The following DSCAM variants were observed in gnomAD, a reference collection of about 807,000 sequenced individuals.
The protein encoded by DSCAM is cell adhesion molecule DSCAM.
DSCAM carries 47 observed loss-of-function variants against 217.7 expected under a neutral mutation model. That is an observed-to-expected ratio of 0.22 (90% CI 0.17 to 0.28). The LOEUF (loss-of-function observed/expected upper bound fraction) is 0.28, where lower values mean the gene tolerates loss of function less well. DSCAM is among the 10% of genes least tolerant of loss of function. The probability of loss-of-function intolerance (pLI) is 1.00; values close to 1 mark genes in which losing one functional copy is unlikely to be tolerated. For synonymous variants in DSCAM, 1,056 were observed against 1,015.3 expected (o/e 1.04, Z -0.76); for missense variants, 2,080 against 2,618.3 (o/e 0.79, Z 4.49).
chr21:40,659,382 TATCTATCTATC>T (rs1248391655), intron 3 of DSCAM, among the ~76,000 whole-genome samples: 36 of 126,526 alleles, frequency 2.8e-4, no homozygotes, highest in African/African-American at 8.4e-4. Flanking sequence ...TCTATCTATC[TATCTATCTATC>T]ATCTCTCTCA....
intron 16 of DSCAM, among the ~76,000 whole-genome samples, chr21:40,156,290 A>G (rs1029733292): frequency 9.5e-5 from 3 of 31,732 alleles, no homozygotes; most frequent in African/African-American, 8.5e-4. Context: ...ACTAAGACAG[A>G]GAGAGAGAGA....
intron 4 of DSCAM, among the ~76,000 whole-genome samples, chr21:40,366,315 A>G (rs2074832405): frequency 6.6e-6 from 1 of 152,120 alleles, no homozygotes; most frequent in Non-Finnish European, 1.5e-5. Context: ...AGACATCTAT[A>G]CATTTTTAAC....
At chr21:40,286,567 G>A (rs1234600097) in intron 10 of DSCAM, among the ~76,000 whole-genome samples, 10 of 152,210 alleles carry the variant, frequency 6.6e-5, no homozygotes, top group Admixed American at 5.9e-4. Context: ...TGCTTTCCCA[G>A]AGGAAAAACA....
chr21:40,156,695 T>A (rs148034600), intron 16 of DSCAM, among the ~76,000 whole-genome samples: 66 of 152,288 alleles, frequency 4.3e-4, no homozygotes, highest in Admixed American at 1.1e-3. Context: ...CAGAGACTTG[T>A]TAAATTGTTA....
At chr21:40,405,852 C>T (rs2075275549) in intron 3 of DSCAM, among the ~76,000 whole-genome samples, 1 of 151,990 alleles carries the variant, frequency 6.6e-6, no homozygotes, top group Admixed American at 6.6e-5. Flanking sequence ...CAAAATTTAG[C>T]TGGGTGTGGT....
chr21:40,097,192 A>C (rs1378872636), intron 20 of DSCAM, among the ~76,000 whole-genome samples: 1 of 152,108 alleles, frequency 6.6e-6, no homozygotes, highest in Non-Finnish European at 1.5e-5. Context: ...AAACAATACC[A>C]ATGTAATGTG....
At chr21:40,425,861 AT>A (rs2075469962) in intron 3 of DSCAM, among the ~76,000 whole-genome samples, 1 of 152,172 alleles carries the variant, frequency 6.6e-6, no homozygotes, top group Admixed American at 6.5e-5. Context: ...AAACATACAC[AT>A]GTTAACTATA....
In DSCAM at chr21:40,333,592, T is replaced by C. The variant is rs570190420; in HGVS notation, c.1783+4509A>G. Among the ~76,000 whole-genome samples the C allele has an allele frequency of 5.3e-5, 8 of 152,368 alleles. No individual in the cohort carries two copies. In the East Asian group the frequency reaches 9.6e-4, roughly 18 times the overall value. On this transcript the variant is annotated intron_variant, in intron 8 of 32. Coordinates refer to ENST00000400454, the MANE Select transcript of DSCAM (RefSeq NM_001389.5). ...GTTGGCCAGGCTGATCTCAAACTCC[T>C]GGCCTCAAGTGATCCTCCTGCCTCG...
At chr21:40,519,958 A>G (rs905389537) in intron 3 of DSCAM, among the ~76,000 whole-genome samples, 1 of 152,064 alleles carries the variant, frequency 6.6e-6, no homozygotes, top group African/African-American at 2.4e-5. Flanking sequence ...TCAAATCATA[A>G]AACACATGAC....
chr21:40,278,568 A>G (rs1397019035), intron 10 of DSCAM, among the ~76,000 whole-genome samples: 1 of 152,054 alleles, frequency 6.6e-6, no homozygotes, highest in Non-Finnish European at 1.5e-5. Flanking sequence ...CCTCATTTCT[A>G]TAAAATTTTA....
At chr21:40,753,779 T>C (rs533696820) in intron 1 of DSCAM, among the ~76,000 whole-genome samples, 1 of 152,242 alleles carries the variant, frequency 6.6e-6, no homozygotes, top group African/African-American at 2.4e-5. Context: ...AAAGGACAAT[T>C]AGAAGAGTCG....
chr21:40,342,054 G>A lies in DSCAM; in HGVS notation c.1211-2639C>T, dbSNP rs530680036. Among the ~76,000 whole-genome samples, 172 of 152,280 alleles carry A rather than the reference G, an allele frequency of 1.1e-3. 2 individuals carry two copies. The highest frequency in any genetic ancestry group is 1.9e-3 in the Admixed American group (29 of 15,288). ...TTCCCAGAAATACCGTGGAAGGCACGTGTTTTATGTGCCTATTGGCCATCC... is the reference window on the plus strand; with the variant it reads ...TTCCCAGAAATACCGTGGAAGGCACATGTTTTATGTGCCTATTGGCCATCC... On this transcript the variant is annotated intron_variant, in intron 6 of 32. Coordinates refer to ENST00000400454, the MANE Select transcript of DSCAM (RefSeq NM_001389.5).
At chr21:40,162,394 C>T (rs974044454) in intron 16 of DSCAM, among the ~76,000 whole-genome samples, 8 of 152,150 alleles carry the variant, frequency 5.3e-5, no homozygotes, top group Admixed American at 2.0e-4. Flanking sequence ...TCCAAGACTG[C>T]CTTTTCCAAG....
intron 4 of DSCAM, among the ~76,000 whole-genome samples, chr21:40,356,885 T>C (rs2074699248): frequency 6.6e-6 from 1 of 152,238 alleles, no homozygotes. Context: ...GCAGGCACTG[T>C]TGAAAATAGA....
intron 1 of DSCAM, among the ~76,000 whole-genome samples, chr21:40,783,068 A>G (rs1354909002): frequency 6.6e-6 from 1 of 152,224 alleles, no homozygotes; most frequent in Non-Finnish European, 1.5e-5. Flanking sequence ...CCTTGAGACA[A>G]ACAATGCAAC....
intron 1 of DSCAM, among the ~76,000 whole-genome samples, chr21:40,797,744 A>T (rs757942278): frequency 6.6e-6 from 1 of 152,320 alleles, no homozygotes; most frequent in Non-Finnish European, 1.5e-5. Context: ...AGCTGAATGG[A>T]GACATTCCAG....
chr21:40,381,074 A>AAAAAAAAAAAAAAAAC lies in DSCAM; in HGVS notation c.509-11830_509-11829insGTTTTTTTTTTTTTTT, dbSNP rs1569095596. Among the ~76,000 whole-genome samples, 95 of 147,098 alleles carry AAAAAAAAAAAAAAAAC rather than the reference A, an allele frequency of 6.5e-4. 2 individuals carry two copies. Among genetic ancestry groups the AAAAAAAAAAAAAAAAC allele is most frequent in the African/African-American group, 2.5e-3 (93 of 37,956 alleles). On this transcript the variant is annotated intron_variant, in intron 3 of 32. Coordinates refer to ENST00000400454, the MANE Select transcript of DSCAM (RefSeq NM_001389.5). ...CGAGACTCCGTCTCAAAAAAAAAAAAAAAAAAAAAAGAAAATAGAACTGAT... is the reference window on the plus strand; with the variant it reads ...CGAGACTCCGTCTCAAAAAAAAAAAAAAAAAAAAAAAAAAACAAAAAAAAAAGAAAATAGAACTGAT...
chr21:40,579,066 G>C (rs1424433586), intron 3 of DSCAM, among the ~76,000 whole-genome samples: 1 of 152,174 alleles, frequency 6.6e-6, no homozygotes, highest in Non-Finnish European at 1.5e-5. Flanking sequence ...GACAGAGGGA[G>C]GTAGAGGGAA....
intron 4 of DSCAM, among the ~76,000 whole-genome samples, chr21:40,364,284 C>T (rs1395592532): frequency 4.6e-5 from 7 of 152,128 alleles, no homozygotes; most frequent in Admixed American, 2.6e-4. Flanking sequence ...AACCCAAATG[C>T]CCAACAATGA....
Sources: allele counts gnomAD v4.1 joint callset (sites outside exome capture counted in the v4.1 genomes callset), GRCh38; gene constraint gnomAD v4.1.1; transcripts MANE v1.5; gene names NCBI Gene and HGNC (gene_info 2026-07-23, HGNC 2026-07-21).